The following MUC5B variants were observed in gnomAD, a reference collection of about 807,000 sequenced individuals.
MUC5B encodes the protein mucin-5B.
Under a neutral mutation model 376.9 loss-of-function variants are expected in MUC5B, and 116 were observed. The ratio of observed to expected loss-of-function variants is 0.31; its 90% confidence interval spans 0.26 to 0.36. The LOEUF is 0.36. Ranked by LOEUF, MUC5B falls within the 10% of genes least tolerant of loss-of-function variation. The probability of loss-of-function intolerance (pLI) is 1.00; values close to 1 mark genes in which losing one functional copy is unlikely to be tolerated. For synonymous variants in MUC5B, 3,517 were observed against 3,390.9 expected, an observed-to-expected ratio of 1.04 and a Z score of -1.29; for missense variants, 7,165 against 7,769.9, an observed-to-expected ratio of 0.92 and a Z score of 2.93.
rs201605309 is a variant in MUC5B, at chr11:1,230,985, C to A, written c.1520C>A (p.Thr507Lys). 8.1e-6 allele frequency: 13 copies of A among 1,597,994 alleles called. No homozygotes were observed. The African/African-American group carries it at 1.6e-4, about 20-fold the overall frequency. ...DGGVFLNSIY[T>K]QLPLSAANIT... ...GGCGTGTTCCTCAACTCCATCTACA[C>A]GCAGCTGCCCCTGTCGGCAGGTATG... Residue 507 changes from threonine to lysine, a missense_variant, in exon 13 of 49, where the codon ACG (threonine) becomes AAG (lysine). Around this residue, in one of 31 missense-constraint regions of MUC5B, gnomAD observed 640 missense variants for 733.0 expected, o/e 0.87. Coordinates refer to ENST00000529681, the MANE Select transcript of MUC5B (RefSeq NM_002458.3).
At chr11:1,224,743 G>C (rs113075314) in intron 1 of MUC5B, among the ~76,000 whole-genome samples, 1 of 152,112 alleles carries the variant, frequency 6.6e-6, no homozygotes, top group Admixed American at 6.5e-5. Context: ...CTCTGGAGGC[G>C]GCCCCTGTGG....
In MUC5B at chr11:1,251,455, G is replaced by T; in HGVS notation, c.14575G>T (p.Val4859Leu). The change falls in exon 31 of 49, where the codon GTG becomes TTG. Residue 4859 changes from valine to leucine, a missense_variant. Val to Leu is a conservative substitution (Grantham distance 32). Transcript: ENST00000529681. Reference sequence around the variant, plus strand: ...GCCGAGCACTATAGCCACCGTGATGGTGCCCACCGGTTCCACGGCCACCGC... The same window carrying T: ...GCCGAGCACTATAGCCACCGTGATGTTGCCCACCGGTTCCACGGCCACCGC... ...TEPSTIATVM[V>L]PTGSTATASS... 1 of 1,611,084 alleles carries T rather than the reference G, an allele frequency of 6.2e-7. No individual in the cohort carries two copies. The highest frequency in any genetic ancestry group is 8.5e-7 in the Non-Finnish European group (1 of 1,178,638).
At chr11:1,232,582 A>T in intron 16 of MUC5B, 38 bp downstream of exon 16, 1 of 1,603,790 alleles carries the variant, frequency 6.2e-7, no homozygotes, top group Non-Finnish European at 8.5e-7. Context: ...CCTGGGCAGG[A>T]TGGGTGGGGG....
chr11:1,226,555 G>A (rs954115346), intron 3 of MUC5B, 60 bp from the exon 4 acceptor site: 3 of 1,552,834 alleles, frequency 1.9e-6, no homozygotes, highest in Non-Finnish European at 2.6e-6. Flanking sequence ...CCTCGGCCCA[G>A]GGGAGGCTAC....
rs765026475 is a variant in MUC5B, at chr11:1,248,345, C to A, written c.11465C>A (p.Ala3822Asp). The A allele has an allele frequency of 4.3e-6, 7 of 1,612,586 alleles. No individual in the cohort carries two copies. Among genetic ancestry groups the A allele is most frequent in the Middle Eastern group, 3.3e-4 (2 of 6,052 alleles). The change falls in exon 31 of 49, where the codon GCC (alanine) becomes GAC (aspartate). Residue 3822 changes from alanine (A) to aspartate (D), a missense_variant. Transcript: ENST00000529681. ...TTTPTATMST[A>D]TPSSTPETAH... Reference sequence around the variant, plus strand: ...ACACCCACGGCCACCATGTCCACAGCCACACCCTCCTCCACTCCAGAGACT... The same window carrying A: ...ACACCCACGGCCACCATGTCCACAGACACACCCTCCTCCACTCCAGAGACT...
rs746587183 is a variant in MUC5B at position 1,244,284 on chromosome 11, G to C, written c.7404G>C (p.Pro2468=). ...GGACCACCTGGATCCTCACAGAGCC[G>C]AGCACTACAGCCACCGTGACGGTGC... ...TPGTTWILTE[P]STTATVTVPT... Residue 2468 remains proline, a synonymous_variant, in exon 31 of 49, where the codon CCG becomes CCC. Transcript: ENST00000529681. 1.2e-4 allele frequency: 189 copies of C among 1,606,028 alleles called. No homozygotes were observed. Among genetic ancestry groups the C allele is most frequent in the East Asian group, 6.5e-4 (29 of 44,732 alleles).
Position 1,259,997 on chromosome 11 carries a change from A to G in MUC5B, c.16835A>G (p.Asn5612Ser). Reference protein sequence around the residue: ...NETWVNSHVDNCTVYLCEAEG... With the variant: ...NETWVNSHVDSCTVYLCEAEG... ...ACCTGGGTCAACAGCCATGTGGACA[A>G]CTGCACCGTGTACCTCTGTGAGGCT... Residue 5612 changes from asparagine to serine, a missense_variant, in exon 46 of 49, where the codon AAC (asparagine) becomes AGC (serine). By Grantham distance (46) the Asn-to-Ser change is conservative (BLOSUM62 1). Around this residue, in one of 31 missense-constraint regions of MUC5B, gnomAD observed 842 missense variants for 1,016.9 expected, o/e 0.83. Coordinates refer to ENST00000529681, the MANE Select transcript of MUC5B (RefSeq NM_002458.3). 6.2e-7 allele frequency: 1 copy of G among 1,612,956 alleles called. No homozygotes were observed. The highest frequency in any genetic ancestry group is 8.5e-7 in the Non-Finnish European group (1 of 1,179,762).
In MUC5B at chr11:1,248,874, C is replaced by T. The variant is rs1241019227; in HGVS notation, c.11994C>T (p.Thr3998=). Residue 3998 remains threonine, a synonymous_variant, in exon 31 of 49, where the codon ACC becomes ACT. Coordinates refer to ENST00000529681, the MANE Select transcript of MUC5B (RefSeq NM_002458.3). ...TGACTCCCTCCTCTGCCCTAGGGAC[C>T]ACCCACACACCCCCAGTGCCGAACA... ...STVTPSSALG[T]THTPPVPNTT... The T allele has an allele frequency of 6.5e-7, 1 of 1,548,060 alleles. No homozygotes were observed. The highest frequency in any genetic ancestry group is 1.4e-5 in the African/African-American group (1 of 72,392).
chr11:1,252,188 T>TGGTCCCCACTGGCCACACTC (rs1862721508), intron 31 of MUC5B, among the ~76,000 whole-genome samples, 155 bp from the exon 32 acceptor site: 2 of 148,574 alleles, frequency 1.3e-5, no homozygotes, highest in African/African-American at 5.0e-5. Flanking sequence ...TGGCCACACT[T>TGGTCCCCACTGGCCACACTC]GGTCCCCACT....
Position 1,240,215 on chromosome 11 carries a change from C to T in MUC5B, c.3810C>T (p.Tyr1270=). Residue 1270 remains tyrosine (Y), a synonymous_variant, in exon 30 of 49, where the codon TAC becomes TAT. Transcript: ENST00000529681. ...TCTYEDRTYS[Y]QDVIYNTTDG... is the part of the protein sequence containing the mutation. ...CCTATGAGGACAGGACCTACAGCTA[C>T]CAGGACGTCATCTACAACACCACCG... The T allele has an allele frequency of 6.2e-7, 1 of 1,612,464 alleles. No individual in the cohort carries two copies. Among genetic ancestry groups the T allele is most frequent in the Non-Finnish European group, 8.5e-7 (1 of 1,178,842 alleles).
intron 47 of MUC5B, 103 bp downstream of exon 47, chr11:1,260,496 C>T (rs914995247): frequency 2.8e-5 from 42 of 1,486,308 alleles, no homozygotes; most frequent in African/African-American, 6.9e-5. Context: ...GGGATGCCCG[C>T]GTCCAGACTC....
chr11:1,234,630 C>T lies in MUC5B; in HGVS notation c.2580C>T (p.Asn860=), dbSNP rs115740676. The T allele has an allele frequency of 2.5e-5, 39 of 1,553,354 alleles. No individual in the cohort carries two copies. Among genetic ancestry groups the T allele is most frequent in the East Asian group, 4.9e-5 (2 of 41,166 alleles). The change falls in exon 21 of 49, where the codon AAC becomes AAT. Residue 860 remains asparagine (N), a synonymous_variant. Coordinates refer to ENST00000529681, the MANE Select transcript of MUC5B (RefSeq NM_002458.3). This position sits in a 1 kb window ranked among gnomAD's most constrained non-coding sequence, Gnocchi z 6.3. ...IAEEDCPCVH[N]EATYKPGETI... ...AGGAGGACTGCCCCTGTGTGCACAA[C>T]GAGGCCACCTACAAGCCTGGAGAGA...
At position 1,255,019 on chromosome 11, in the gene MUC5B, G is replaced by A. The variant is rs374068856; in HGVS notation, c.15665-22G>A. ...GAAAGGCTCCCCAGATTCCAGCCCC[G>A]CGGTGACGCCCCCACTCCCAGGCAC... On this transcript the variant is annotated intron_variant, in intron 35 of 48. Coordinates refer to ENST00000529681, the MANE Select transcript of MUC5B (RefSeq NM_002458.3). 2.6e-4 allele frequency: 402 copies of A among 1,565,822 alleles called. 3 individuals carry two copies. The African/African-American group carries it at 4.7e-3, about 18-fold the overall frequency.
chr11:1,246,610 T>C lies in MUC5B; in HGVS notation c.9730T>C (p.Ser3244Pro). 1 of 1,608,380 alleles carries C rather than the reference T, an allele frequency of 6.2e-7. No individual in the cohort carries two copies. ...CAGCGTTACAGCCATCCCCTCTTCC[T>C]CCCTGGGCACCGCCTGGACCCGCCT... ...ATSVTAIPSS[S>P]LGTAWTRLSQ... is the part of the protein sequence containing the mutation. The change falls in exon 31 of 49, where the codon TCC (serine) becomes CCC (proline). Residue 3244 changes from serine (S) to proline (P), a missense_variant. Physicochemically the swap from Ser to Pro is moderately conservative, Grantham distance 74 (BLOSUM62 -1). Around this residue, in one of 31 missense-constraint regions of MUC5B, gnomAD observed 939 missense variants for 770.6 expected, o/e 1.22. Coordinates refer to ENST00000529681, the MANE Select transcript of MUC5B (RefSeq NM_002458.3).
At chr11:1,260,438 C>G (rs756709344) in intron 47 of MUC5B, 45 bp downstream of exon 47, 2 of 1,603,756 alleles carry the variant, frequency 1.2e-6, no homozygotes, top group South Asian at 1.1e-5. Context: ...AGCTCCAGCC[C>G]GTCGCCACCC....
intron 48 of MUC5B, 73 bp downstream of exon 48, chr11:1,260,801 G>C: frequency 4.3e-6 from 5 of 1,158,956 alleles, no homozygotes; most frequent in Non-Finnish European, 6.3e-6. Context: ...CAGCTGGCTG[G>C]CAGCCTGCTC....
chr11:1,259,677 T>A, intron 44 of MUC5B, 79 bp from the exon 45 acceptor site: 1 of 1,448,986 alleles, frequency 6.9e-7, no homozygotes, highest in South Asian at 1.2e-5. Flanking sequence ...ACCACTGGGG[T>A]GTAGACAGGA....
rs751810833 is a variant in MUC5B at position 1,240,318 on chromosome 11, A to G, written c.3913A>G (p.Thr1305Ala). The change falls in exon 30 of 49, where the codon ACT becomes GCT. Residue 1305 changes from threonine (T) to alanine (A), a missense_variant. Coordinates refer to ENST00000529681, the MANE Select transcript of MUC5B (RefSeq NM_002458.3). ...CAGGAAGGCTGTGGCATGTCCTGGA[A>G]CTCCAGCCACAACGCCATTCACCTT... ...IIRKAVACPG[T>A]PATTPFTFTT... 2 of 1,612,206 alleles carry G rather than the reference A, an allele frequency of 1.2e-6. No individual in the cohort carries two copies. The highest frequency in any genetic ancestry group is 2.7e-5 in the African/African-American group (2 of 74,878).
rs377689715 is a variant in MUC5B, at chr11:1,250,597, G to A, written c.13717G>A (p.Gly4573Arg). Reference protein sequence around the residue: ...TVLTATATTTGATGSVATPSS... With the variant: ...TVLTATATTTRATGSVATPSS... ...GCTTACCGCCACGGCCACCACAACCGGGGCCACCGGCTCTGTGGCCACCCC... is the reference window on the plus strand; with the variant it reads ...GCTTACCGCCACGGCCACCACAACCAGGGCCACCGGCTCTGTGGCCACCCC... The change falls in exon 31 of 49, where the codon GGG (glycine) becomes AGG (arginine). Residue 4573 changes from glycine to arginine, a missense_variant. Gly to Arg is a moderately radical substitution (Grantham distance 125). This residue lies in a region of MUC5B where 730 missense variants were observed against 592.7 expected (regional missense o/e 1.23). Transcript: ENST00000529681. 4.0e-4 allele frequency: 649 copies of A among 1,611,808 alleles called. 4 individuals carry two copies. The highest frequency in any genetic ancestry group is 2.0e-3 in the South Asian group (186 of 90,812).
Sources: allele counts gnomAD v4.1 joint callset (sites outside exome capture counted in the v4.1 genomes callset), GRCh38; gene constraint gnomAD v4.1.1; regional missense constraint gnomAD v4.1.1; non-coding constraint Gnocchi (gnomAD v3.1); transcripts MANE v1.5; gene names NCBI Gene and HGNC (gene_info 2026-07-23, HGNC 2026-07-21).